The following CREB5 variants were observed in gnomAD, a reference collection of about 807,000 sequenced individuals.
The protein encoded by CREB5 is cyclic AMP-responsive element-binding protein 5.
In CREB5, 19 loss-of-function variants were observed where a neutral mutation model predicts 57.1. The ratio of observed to expected loss-of-function variants is 0.33; its 90% CI spans 0.23 to 0.49. The LOEUF is 0.49. Ranked by LOEUF, CREB5 falls within the 20% of genes least tolerant of loss-of-function variation. The probability of loss-of-function intolerance (pLI) is 0.99; values close to 1 mark genes in which losing one functional copy is unlikely to be tolerated. For synonymous variants in CREB5, 238 were observed against 238.3 expected (o/e 1.00, Z 0.01); for missense variants, 579 against 671.6 (o/e 0.86, Z 1.52).
rs536882399 is a variant in CREB5 at position 28,820,461 on chromosome 7, G to A, written c.*1182G>A. ...TATGGAACCGGCTTTGCTGTTCTGG[G>A]GGGTGAAAATAGACTAACTACTGGA... On this transcript the variant is annotated 3_prime_UTR_variant, in exon 11 of 11. Transcript: ENST00000357727. 6.6e-6 allele frequency: 1 copy of A among 152,156 alleles called. No homozygotes were observed. The highest frequency in any genetic ancestry group is 2.4e-5 in the African/African-American group (1 of 41,374). 9.4% of individuals were successfully genotyped at this position (152,156 alleles called of 1,614,324 possible).
chr7:28,564,920 T>C (rs1043165362), intron 4 of CREB5, among the ~76,000 whole-genome samples: 2 of 148,788 alleles, frequency 1.3e-5, no homozygotes, highest in African/African-American at 5.2e-5. Flanking sequence ...TCATAAAATA[T>C]AACATAGGAA....
At chr7:28,705,238 C>A (rs1802046780) in intron 5 of CREB5, among the ~76,000 whole-genome samples, 1 of 151,858 alleles carries the variant, frequency 6.6e-6, no homozygotes, top group Admixed American at 6.6e-5. Context: ...TGGCAGCCAC[C>A]TGTAATCCCA....
chr7:28,331,479 A>G (rs1785715418), intron 1 of CREB5, among the ~76,000 whole-genome samples: 1 of 152,128 alleles, frequency 6.6e-6, no homozygotes, highest in African/African-American at 2.4e-5. Flanking sequence ...AAGAGAATGC[A>G]TGGTCTAATG....
chr7:28,604,598 A>G (rs1797040370), intron 5 of CREB5, among the ~76,000 whole-genome samples: 1 of 151,608 alleles, frequency 6.6e-6, no homozygotes, highest in Admixed American at 6.6e-5. Flanking sequence ...ATAATTTCTC[A>G]GTAAATAATA....
intron 5 of CREB5, among the ~76,000 whole-genome samples, chr7:28,658,947 G>GTGTGTGTATATATATATATATATATA (rs1799444043): frequency 5.1e-5 from 2 of 39,346 alleles, no homozygotes; most frequent in African/African-American, 1.8e-4. Flanking sequence ...TTATATGTGT[G>GTGTGTGTATATATATATATATATATA]TGTGTGTATA....
At chr7:28,527,256 CT>C (rs1373916414) in intron 4 of CREB5, among the ~76,000 whole-genome samples, 1 of 152,216 alleles carries the variant, frequency 6.6e-6, no homozygotes, top group Non-Finnish European at 1.5e-5. Flanking sequence ...ACCCATCCTG[CT>C]TTTCTTGTTG....
At chr7:28,797,253 A>G (rs1562647597) in intron 7 of CREB5, among the ~76,000 whole-genome samples, 2 of 152,206 alleles carry the variant, frequency 1.3e-5, no homozygotes, top group South Asian at 2.1e-4. Context: ...CTGAAGGTCT[A>G]CTTTTCTGAA....
At chr7:28,385,046 G>A (rs1370608955) in intron 1 of CREB5, among the ~76,000 whole-genome samples, 1 of 152,096 alleles carries the variant, frequency 6.6e-6, no homozygotes, top group Non-Finnish European at 1.5e-5. Flanking sequence ...TGAGGAGGGT[G>A]TTTCATTTAT....
intron 9 of CREB5, among the ~76,000 whole-genome samples, chr7:28,817,388 G>A (rs1434716483): frequency 6.6e-6 from 1 of 152,140 alleles, no homozygotes; most frequent in Non-Finnish European, 1.5e-5. Context: ...GGTGGGGAGA[G>A]CAGGGATTCA....
At chr7:28,630,750 A>G (rs1798170363) in intron 5 of CREB5, among the ~76,000 whole-genome samples, 1 of 152,176 alleles carries the variant, frequency 6.6e-6, no homozygotes, top group Admixed American at 6.5e-5. Flanking sequence ...AATTCCAAGT[A>G]TATTTTCAAC....
intron 1 of CREB5, among the ~76,000 whole-genome samples, chr7:28,376,227 T>C (rs1786820317): frequency 6.6e-6 from 1 of 152,110 alleles, no homozygotes; most frequent in African/African-American, 2.4e-5. Context: ...TGTGGACTGC[T>C]TTCCTTTTTG....
intron 7 of CREB5, among the ~76,000 whole-genome samples, chr7:28,727,869 G>T (rs1803409842): frequency 6.6e-6 from 1 of 152,142 alleles, no homozygotes; most frequent in Non-Finnish European, 1.5e-5. Flanking sequence ...GTAGGAAAAA[G>T]ATATGTACAG....
chr7:28,404,378 G>C (rs962960107), intron 1 of CREB5, among the ~76,000 whole-genome samples: 2 of 152,116 alleles, frequency 1.3e-5, no homozygotes, highest in African/African-American at 4.8e-5. Flanking sequence ...TCTCAGGGCT[G>C]TCAGCCTCAC....
intron 1 of CREB5, among the ~76,000 whole-genome samples, chr7:28,377,094 T>C (rs2127995108): frequency 6.6e-6 from 1 of 152,294 alleles, no homozygotes; most frequent in Non-Finnish European, 1.5e-5. Flanking sequence ...GACAGGCATT[T>C]TTACTCTACA....
intron 4 of CREB5, among the ~76,000 whole-genome samples, chr7:28,524,973 C>T (rs1466284126): frequency 6.6e-6 from 1 of 151,882 alleles, no homozygotes; most frequent in Non-Finnish European, 1.5e-5. Flanking sequence ...CTCTTCATTC[C>T]CCGAACCCCA....
intron 1 of CREB5, among the ~76,000 whole-genome samples, chr7:28,444,391 A>T (rs1789331936): frequency 1.3e-5 from 2 of 152,190 alleles, no homozygotes; most frequent in Non-Finnish European, 2.9e-5. Context: ...AACATGGCCC[A>T]ACTCAGGAAG....
chr7:28,596,395 A>T (rs530828956), intron 5 of CREB5, among the ~76,000 whole-genome samples: 1 of 152,060 alleles, frequency 6.6e-6, no homozygotes, highest in East Asian at 1.9e-4. Flanking sequence ...ATATTAGAAC[A>T]AAAGTATGAT....
Position 28,815,359 on chromosome 7 carries a change from CTGCATTTTTACAGATCCTCACAA to C in CREB5, c.1255-2711_1255-2689del, listed in dbSNP as rs372888367. Among the ~76,000 whole-genome samples the C allele has an allele frequency of 6.4e-3, 971 of 152,280 alleles. 3 individuals are homozygous for C. The highest frequency in any genetic ancestry group is 0.017 in the South Asian group (80 of 4,824). On this transcript the variant is annotated intron_variant, in intron 9 of 10. Coordinates refer to ENST00000357727, the MANE Select transcript of CREB5 (RefSeq NM_182898.4). ...CAGTTGTCTCAATATTCTCAGGGTT[CTGCATTTTTACAGATCCTCACAA>C]CACTCAGGCCTTTGGTCTCTGTACT...
At chr7:28,560,873 CGCGTGCGT>C (rs1287731637) in intron 4 of CREB5, among the ~76,000 whole-genome samples, 10 of 22,098 alleles carry the variant, frequency 4.5e-4, no homozygotes, top group East Asian at 4.0e-3. Context: ...TGCCTGCGTG[CGCGTGCGT>C]GCGTGCGTGT....
Sources: allele counts gnomAD v4.1 joint callset (sites outside exome capture counted in the v4.1 genomes callset), GRCh38; gene constraint gnomAD v4.1.1; transcripts MANE v1.5; gene names NCBI Gene and HGNC (gene_info 2026-07-23, HGNC 2026-07-21).